Variants in GRAP2 observed in about 807,000 individuals in gnomAD.
The protein encoded by GRAP2 is GRB2-related adapter protein 2.
In GRAP2, 31 loss-of-function variants were observed where a neutral mutation model predicts 43.5. The ratio of observed to expected loss-of-function variants is 0.71; its 90% CI spans 0.54 to 0.96. GRAP2 has a LOEUF of 0.96. GRAP2 is among the 40% of genes least tolerant of loss of function. GRAP2 has a pLI of 0.00. For synonymous variants in GRAP2, 156 were observed against 164.8 expected (o/e 0.95, Z 0.41); for missense variants, 371 against 424.4 (o/e 0.87, Z 1.11).
At chr22:39,953,614 C>T (rs1284799158) in intron 2 of GRAP2, among the ~76,000 whole-genome samples, 1 of 152,144 alleles carries the variant, frequency 6.6e-6, no homozygotes, top group Non-Finnish European at 1.5e-5. Context: ...CGCTCTCTCG[C>T]TCTCTCTTAA....
chr22:39,943,302 G>T (rs778355108), intron 1 of GRAP2, among the ~76,000 whole-genome samples: 1 of 152,214 alleles, frequency 6.6e-6, no homozygotes, highest in Non-Finnish European at 1.5e-5. Flanking sequence ...TATATAGCCT[G>T]AATATTTTTT....
chr22:39,946,335 C>CTTAG lies in GRAP2; in HGVS notation c.-14-757_-14-756insTAGT, dbSNP rs552720179. 6.6e-5 allele frequency among the ~76,000 whole-genome samples: 10 copies of CTTAG among 152,324 alleles called. 1 individual carries two copies. In the South Asian group the frequency reaches 1.9e-3, roughly 28 times the overall value. ...TGTCTTACCATTACATCCCCGCTGC[C>CTTAG]TCCTAAAGCACAGCTCTAGTTCATA... On this transcript the variant is annotated intron_variant, in intron 1 of 7. Coordinates refer to ENST00000344138, the MANE Select transcript of GRAP2 (RefSeq NM_004810.4).
At chr22:39,915,862 TGGGGAGGGGCACG>T (rs760288042) in intron 1 of GRAP2, among the ~76,000 whole-genome samples, 11 of 152,072 alleles carry the variant, frequency 7.2e-5, no homozygotes, top group Admixed American at 1.3e-4. Context: ...AATTAGAAAA[TGGGGAGGGGCACG>T]GACGCTTCCA....
At chr22:39,926,103 T>G (rs903390445) in intron 1 of GRAP2, among the ~76,000 whole-genome samples, 2 of 152,244 alleles carry the variant, frequency 1.3e-5, no homozygotes, top group Non-Finnish European at 2.9e-5. Flanking sequence ...GAACTGTGGG[T>G]ATGCATCATT....
At chr22:39,966,996 T>A (rs200333873) in intron 5 of GRAP2, among the ~76,000 whole-genome samples, 3 of 150,762 alleles carry the variant, frequency 2.0e-5, no homozygotes, top group Non-Finnish European at 4.4e-5. Context: ...ATGCACACAC[T>A]CACACACACA....
chr22:39,924,652 A>G (rs1432483314), intron 1 of GRAP2, among the ~76,000 whole-genome samples: 1 of 152,160 alleles, frequency 6.6e-6, no homozygotes, highest in Non-Finnish European at 1.5e-5. Context: ...CAGTGAGCCA[A>G]GATTATACCA....
chr22:39,944,008 G>T (rs893927003), intron 1 of GRAP2, among the ~76,000 whole-genome samples: 1 of 152,060 alleles, frequency 6.6e-6, no homozygotes, highest in Non-Finnish European at 1.5e-5. Flanking sequence ...CCTGGCCGAG[G>T]GGTCTCTCTT....
intron 7 of GRAP2, 69 bp from the exon 8 acceptor site, chr22:39,970,836 G>A: frequency 7.5e-7 from 1 of 1,339,902 alleles, no homozygotes; most frequent in Non-Finnish European, 1.0e-6. Context: ...GGTGGGAGGA[G>A]CCAGCAGACC....
chr22:39,935,530 A>G (rs529457977), intron 1 of GRAP2, among the ~76,000 whole-genome samples: 12 of 152,388 alleles, frequency 7.9e-5, no homozygotes, highest in African/African-American at 2.6e-4. Context: ...TAAGAATATT[A>G]TAATTCATTT....
At chr22:39,935,733 A>C (rs2066800262) in intron 1 of GRAP2, among the ~76,000 whole-genome samples, 1 of 152,194 alleles carries the variant, frequency 6.6e-6, no homozygotes, top group Non-Finnish European at 1.5e-5. Context: ...CATTCCAACA[A>C]CAAATGAGGG....
intron 1 of GRAP2, among the ~76,000 whole-genome samples, chr22:39,902,796 G>A (rs553558683): frequency 2.2e-4 from 33 of 152,228 alleles, no homozygotes; most frequent in Admixed American, 1.0e-3. Context: ...TGTCTACCTC[G>A]TAGGGATGTT....
intron 2 of GRAP2, among the ~76,000 whole-genome samples, chr22:39,954,782 T>C (rs569533272): frequency 1.8e-4 from 28 of 152,346 alleles, no homozygotes; most frequent in African/African-American, 6.5e-4. Context: ...AGAAGCCACA[T>C]ACAGTCAAGT....
intron 3 of GRAP2, among the ~76,000 whole-genome samples, chr22:39,958,812 C>T (rs1374098562): frequency 2.6e-5 from 4 of 152,166 alleles, no homozygotes; most frequent in Admixed American, 2.6e-4. Flanking sequence ...GTGGTGGCCT[C>T]TTGTTTAGCC....
At chr22:39,924,063 C>T (rs1027625845) in intron 1 of GRAP2, among the ~76,000 whole-genome samples, 6 of 152,172 alleles carry the variant, frequency 3.9e-5, no homozygotes, top group African/African-American at 9.7e-5. Context: ...AGCCATGTGA[C>T]GTTAAACCAT....
intron 1 of GRAP2, among the ~76,000 whole-genome samples, chr22:39,932,152 G>T (rs1415623227): frequency 1.3e-5 from 2 of 152,204 alleles, no homozygotes; most frequent in Non-Finnish European, 2.9e-5. Context: ...CGAGATGAAA[G>T]GGTGAAAAGA....
intron 1 of GRAP2, among the ~76,000 whole-genome samples, chr22:39,939,628 G>A (rs1393901129): frequency 1.3e-5 from 2 of 151,006 alleles, no homozygotes; most frequent in Non-Finnish European, 2.9e-5. Context: ...TTAAGCAGAG[G>A]AACTGTTGGC....
intron 1 of GRAP2, among the ~76,000 whole-genome samples, chr22:39,939,106 A>G (rs1011903154): frequency 6.6e-6 from 1 of 152,224 alleles, no homozygotes; most frequent in African/African-American, 2.4e-5. Flanking sequence ...ATCCCAGCCA[A>G]CTAGCCAGAA....
At chr22:39,909,226 T>C (rs574930088) in intron 1 of GRAP2, among the ~76,000 whole-genome samples, 156 of 152,238 alleles carry the variant, frequency 1.0e-3, no homozygotes, top group Non-Finnish European at 1.6e-3. Context: ...AGTTGACACT[T>C]GGTACCCTGT....
At chr22:39,961,508 A>G (rs990648998) in intron 4 of GRAP2, among the ~76,000 whole-genome samples, 2 of 152,228 alleles carry the variant, frequency 1.3e-5, no homozygotes, top group Admixed American at 6.5e-5. Flanking sequence ...CGAAAACCAC[A>G]GAACAGAGGG....
Sources: gnomAD v4.1 joint callset for allele counts (sites outside exome capture counted in the v4.1 genomes callset) on GRCh38, gnomAD v4.1.1 for gene constraint, MANE v1.5 for transcripts, NCBI Gene and HGNC (gene_info 2026-07-23, HGNC 2026-07-21) for gene names.